PRMT8: variants seen among roughly 807,000 people sequenced by gnomAD.
PRMT8 encodes protein arginine methyltransferase 8, also known as protein arginine N-methyltransferase 8.
Under a neutral mutation model 47.1 loss-of-function variants are expected in PRMT8, and 7 were observed. That is an observed-to-expected ratio of 0.15 (90% CI 0.08 to 0.28). The LOEUF is 0.28. Among genes scored for constraint, PRMT8 ranks in the 10% least tolerant of loss-of-function variants. PRMT8 has a pLI of 1.00. For synonymous variants in PRMT8, 188 were observed against 186.5 expected (o/e 1.01, Z -0.07); for missense variants, 237 against 505.4 (o/e 0.47, Z 5.09).
chr12:3,513,473 C>A (rs1006092151), intron 1 of PRMT8, among the ~76,000 whole-genome samples: 14 of 152,156 alleles, frequency 9.2e-5, no homozygotes, highest in African/African-American at 3.1e-4. Flanking sequence ...ACCCTTTGAG[C>A]CTGCGTAATG....
At position 3,389,004 on chromosome 12, in the gene PRMT8, C is replaced by T. The variant is rs143792949; in HGVS notation, c.48+7562C>T. ...GGAGTTCTGCTTTGATTCCATCCCA[C>T]GGTGCCCAGGACCACCTGCTTGCCA... On this transcript the variant is annotated intron_variant, in intron 1 of 9. Transcript: ENST00000452611. 3.8e-4 allele frequency among the ~76,000 whole-genome samples: 58 copies of T among 152,262 alleles called. No individual in the cohort carries two copies. The East Asian group carries it at 8.3e-3, about 22-fold the overall frequency.
At chr12:3,465,468 G>T (rs577996672) in intron 1 of PRMT8, among the ~76,000 whole-genome samples, 140 of 152,012 alleles carry the variant, frequency 9.2e-4, no homozygotes, top group African/African-American at 3.3e-3. Flanking sequence ...ACTTTTGTTT[G>T]TGGGGTTTAG....
At chr12:3,423,653 T>C (rs1375656122) in intron 1 of PRMT8, among the ~76,000 whole-genome samples, 1 of 152,200 alleles carries the variant, frequency 6.6e-6, no homozygotes, top group African/African-American at 2.4e-5. Flanking sequence ...GTGTAAGCTC[T>C]ATGCCCACAT....
chr12:3,550,187 C>T lies in PRMT8; in HGVS notation c.417+96C>T. 1.3e-6 allele frequency: 2 copies of T among 1,515,272 alleles called. No homozygotes were observed. Among genetic ancestry groups the T allele is most frequent in the South Asian group, 2.5e-5 (2 of 81,418 alleles). The allele number at this position is 1,515,272 out of a possible 1,614,324, so 93.9% of individuals were successfully genotyped here. A position where few individuals can be genotyped will look rare whatever the true frequency, so the allele number is the denominator to read the frequency against. ...CCTTCTAGAAGTACAAAATTTGGTC[C>T]ATCTCTTTTGCTGGGGTCACACCTT... On this transcript the variant is annotated intron_variant, in intron 3 of 9. Coordinates refer to ENST00000382622, the MANE Select transcript of PRMT8 (RefSeq NM_019854.5). This position sits in a 1 kb window ranked among gnomAD's most constrained non-coding sequence, Gnocchi z 5.1.
Position 3,491,617 on chromosome 12 carries a change from C to A in PRMT8, c.-9C>A. The A allele has an allele frequency of 6.2e-7, 1 of 1,612,148 alleles. No homozygotes were observed. The highest frequency in any genetic ancestry group is 1.1e-5 in the South Asian group (1 of 90,626). ...CTATCTCGGTATCACCAAACCCTTGCCGGCTCTTATGGGCATGAAACACTC... is the reference window on the plus strand; with the variant it reads ...CTATCTCGGTATCACCAAACCCTTGACGGCTCTTATGGGCATGAAACACTC... On this transcript the variant is annotated 5_prime_UTR_variant, in exon 1 of 10. Coordinates refer to ENST00000382622, the MANE Select transcript of PRMT8 (RefSeq NM_019854.5).
upstream of PRMT8, among the ~76,000 whole-genome samples, chr12:3,488,053 T>G (rs752236615): frequency 6.6e-6 from 1 of 152,232 alleles, no homozygotes; most frequent in Non-Finnish European, 1.5e-5. Flanking sequence ...AGGTTTATGC[T>G]ATGGAATCAG....
At position 3,519,577 on chromosome 12, in the gene PRMT8, G is replaced by A. The variant is rs189386203; in HGVS notation, c.76-21029G>A. Among the ~76,000 whole-genome samples the A allele has an allele frequency of 3.9e-5, 6 of 152,330 alleles. No individual in the cohort carries two copies. In the East Asian group the frequency reaches 9.6e-4, roughly 24 times the overall value. ...AAGGGTAGATGGCTGTTTGTGAGGT[G>A]GGGGTAGAAAGCATTGAGGATGTGG... On this transcript the variant is annotated intron_variant, in intron 1 of 9. Transcript: ENST00000382622.
chr12:3,564,783 T>A lies in PRMT8; in HGVS notation c.482-3923T>A. Among the ~76,000 whole-genome samples the A allele has an allele frequency of 6.6e-6, 1 of 152,238 alleles. No homozygotes were observed. The highest frequency in any genetic ancestry group is 1.9e-4 in the East Asian group (1 of 5,200). On this transcript the variant is annotated intron_variant, in intron 4 of 9. Coordinates refer to ENST00000382622, the MANE Select transcript of PRMT8 (RefSeq NM_019854.5). The surrounding 1 kb of genome is among the most constrained non-coding windows in gnomAD (Gnocchi z 4.0). The stretch of plus-strand genomic sequence containing the variant: ...TGCTCGGAATCTTAATATCAATAGC[T>A]TAGACCCCCTTGAAAATCCTTTGCA...
intron 4 of PRMT8, among the ~76,000 whole-genome samples, chr12:3,555,468 G>A (rs919128451): frequency 2.0e-5 from 3 of 152,334 alleles, no homozygotes; most frequent in Admixed American, 1.3e-4. Flanking sequence ...AGATCATGCC[G>A]TGTGGCCAGG....
intron 1 of PRMT8, among the ~76,000 whole-genome samples, chr12:3,414,198 A>C (rs2137057587): frequency 2.0e-5 from 3 of 152,372 alleles, no homozygotes; most frequent in Middle Eastern, 6.8e-3. Context: ...GTCAATCAGG[A>C]AAGGCAGAAA....
chr12:3,386,557 T>C (rs1375335801), intron 1 of PRMT8, among the ~76,000 whole-genome samples: 1 of 152,228 alleles, frequency 6.6e-6, no homozygotes, highest in African/African-American at 2.4e-5. Flanking sequence ...TTCATTCTTC[T>C]GTCTGCCCGT....
intron 1 of PRMT8, among the ~76,000 whole-genome samples, chr12:3,497,255 A>C (rs1262584700): frequency 6.6e-6 from 1 of 152,196 alleles, no homozygotes; most frequent in Admixed American, 6.5e-5. Context: ...AACAAGATAG[A>C]GTGAGCACAG....
At chr12:3,384,934 A>G (rs7966584) in intron 1 of PRMT8, among the ~76,000 whole-genome samples, 6,429 of 127,062 alleles carry the variant, frequency 0.051, 480 homozygotes, top group African/African-American at 0.17. Context: ...ACTTCTTTCA[A>G]ACTTCCCCTG....
chr12:3,464,866 T>TAAA (rs1320744260), intron 1 of PRMT8, among the ~76,000 whole-genome samples: 8 of 152,092 alleles, frequency 5.3e-5, no homozygotes, highest in Non-Finnish European at 8.8e-5. Flanking sequence ...TGCTCACACC[T>TAAA]GTAATGTCAG....
chr12:3,576,809 G>T lies in PRMT8; in HGVS notation c.713-62G>T. 5 of 1,334,028 alleles carry T rather than the reference G, an allele frequency of 3.7e-6. No individual in the cohort carries two copies. Among genetic ancestry groups the T allele is most frequent in the Non-Finnish European group, 5.4e-6 (5 of 931,276 alleles). 82.6% of individuals were successfully genotyped at this position (1,334,028 alleles called of 1,614,324 possible). On this transcript the variant is annotated intron_variant, in intron 6 of 9. Transcript: ENST00000382622. This position sits in a 1 kb window ranked among gnomAD's most constrained non-coding sequence, Gnocchi z 4.0. ...AGGCACGCTGTGCTCTAGGACTCAGGAGGGTTGGGTGAGCTTCTGGGGGTC... is the reference window on the plus strand; with the variant it reads ...AGGCACGCTGTGCTCTAGGACTCAGTAGGGTTGGGTGAGCTTCTGGGGGTC...
At chr12:3,568,891 T>G in intron 5 of PRMT8, 43 bp downstream of exon 5, 1 of 1,611,052 alleles carries the variant, frequency 6.2e-7, no homozygotes, top group South Asian at 1.1e-5. Flanking sequence ...CGGCTGGCTG[T>G]CCTGCTCCTC....
chr12:3,544,042 G>A (rs1334540136), intron 2 of PRMT8, among the ~76,000 whole-genome samples: 2 of 152,148 alleles, frequency 1.3e-5, no homozygotes, highest in Non-Finnish European at 1.5e-5. Flanking sequence ...TGACACTCTC[G>A]CTGCAGGTTC....
intron 1 of PRMT8, among the ~76,000 whole-genome samples, chr12:3,392,968 G>A (rs1195708969): frequency 6.6e-6 from 1 of 152,148 alleles, no homozygotes; most frequent in Non-Finnish European, 1.5e-5. Flanking sequence ...GCCAGTGATG[G>A]TGAGCATTTT....
chr12:3,588,797 G>T (rs1867236138), intron 8 of PRMT8, among the ~76,000 whole-genome samples: 1 of 152,206 alleles, frequency 6.6e-6, no homozygotes, highest in South Asian at 2.1e-4. Flanking sequence ...GGGGTATGTG[G>T]GGCCAGAATG....
Sources: allele counts gnomAD v4.1 joint callset (sites outside exome capture counted in the v4.1 genomes callset), GRCh38; gene constraint gnomAD v4.1.1; non-coding constraint Gnocchi (gnomAD v3.1); transcripts MANE v1.5; gene names NCBI Gene and HGNC (gene_info 2026-07-23, HGNC 2026-07-21).